FGF13: variants seen among roughly 807,000 people sequenced by gnomAD.
FGF13 encodes fibroblast growth factor 13, also known as fibroblast growth factor homologous factor 2.
FGF13 carries 2 observed loss-of-function variants against 19.5 expected under a neutral mutation model. The ratio of observed to expected loss-of-function variants is 0.10; its 90% CI spans 0.04 to 0.32. FGF13 has a LOEUF of 0.32. FGF13 is among the 10% of genes least tolerant of loss of function. FGF13 has a pLI of 1.00. For synonymous variants in FGF13, 72 were observed against 76.9 expected (o/e 0.94, Z 0.33); for missense variants, 113 against 192.7 (o/e 0.59, Z 2.45).
intron 1 of FGF13, among the ~76,000 whole-genome samples, chrX:139,027,004 A>G (rs1039622056): frequency 1.8e-5 from 2 of 112,097 alleles, no homozygotes; most frequent in Non-Finnish European, 3.8e-5. Context: ...GTGAATAGAC[A>G]TAGGAGGTGA....
At chrX:138,874,016 A>AG (rs1569415699) in intron 1 of FGF13, among the ~76,000 whole-genome samples, 1 of 1,434 alleles carries the variant, frequency 7.0e-4, no homozygotes, top group Non-Finnish European at 1.4e-3. Flanking sequence ...GGTGGGGGGG[A>AG]GGGGGGAGGG....
chrX:138,836,115 A>T (rs773030273), intron 3 of FGF13, among the ~76,000 whole-genome samples: 1 of 110,603 alleles, frequency 9.0e-6, no homozygotes. Context: ...TGCCTGTAAC[A>T]TTTTTTCTTT....
At position 138,615,717 on chromosome X, in the gene FGF13, T is replaced by G. The variant is rs2088962172; in HGVS notation, c.*17133A>C. Reference sequence around the variant, plus strand: ...TTTTACCCTGTGCATTAGTTCATTCTCATGCTTCCATAAAGAAATACCCAA... The same window carrying G: ...TTTTACCCTGTGCATTAGTTCATTCGCATGCTTCCATAAAGAAATACCCAA... On this transcript the variant is annotated 3_prime_UTR_variant, in exon 5 of 5. Coordinates refer to ENST00000315930, the MANE Select transcript of FGF13 (RefSeq NM_004114.5). 8.9e-6 allele frequency: 1 copy of G among 112,009 alleles called. No individual in the cohort carries two copies. Among genetic ancestry groups the G allele is most frequent in the African/African-American group, 3.2e-5 (1 of 30,780 alleles). 9.2% of individuals were successfully genotyped at this position (112,009 alleles called of 1,213,427 possible). A position where few individuals can be genotyped will look rare whatever the true frequency, so the allele number is the denominator to read the frequency against.
At chrX:139,048,319 G>A (rs1183408868) in intron 1 of FGF13, among the ~76,000 whole-genome samples, 3 of 111,051 alleles carry the variant, frequency 2.7e-5, no homozygotes, top group African/African-American at 6.6e-5. Flanking sequence ...CTGTTCCACT[G>A]ATTTGCTTGT....
intron 3 of FGF13, among the ~76,000 whole-genome samples, chrX:138,838,010 C>T (rs763538603): frequency 6.2e-5 from 7 of 112,379 alleles, no homozygotes; most frequent in African/African-American, 1.9e-4. Flanking sequence ...CTGTGCTGTG[C>T]TGGGGGATCC....
At chrX:138,906,607 G>T (rs2091559761) in intron 1 of FGF13, among the ~76,000 whole-genome samples, 1 of 112,054 alleles carries the variant, frequency 8.9e-6, no homozygotes. Flanking sequence ...GCTAAAAGAA[G>T]CGTCATCGGC....
At chrX:138,875,338 C>T (rs2091382482) in intron 1 of FGF13, among the ~76,000 whole-genome samples, 1 of 111,496 alleles carries the variant, frequency 9.0e-6, no homozygotes, top group African/African-American at 3.3e-5. Flanking sequence ...AACCTTGTAA[C>T]CACACCTGTA....
chrX:138,778,011 T>G (rs1339777655), intron 3 of FGF13, among the ~76,000 whole-genome samples: 2 of 111,891 alleles, frequency 1.8e-5, no homozygotes, highest in Non-Finnish European at 3.8e-5. Context: ...ATAAAAATGT[T>G]TAAACAGCAA....
intron 1 of FGF13, among the ~76,000 whole-genome samples, chrX:139,187,873 G>A (rs961164021): frequency 1.6e-4 from 18 of 112,058 alleles, no homozygotes; most frequent in African/African-American, 5.8e-4. Flanking sequence ...ACGTAACTAA[G>A]GTGACTCACT....
In FGF13 at chrX:138,711,057, T is replaced by G. The variant is rs765175357; in HGVS notation, c.-54A>C. The G allele has an allele frequency of 5.0e-6, 6 of 1,190,852 alleles. No individual in the cohort carries two copies. Among genetic ancestry groups the G allele is most frequent in the African/African-American group, 1.7e-5 (1 of 57,168 alleles). ...TTTGCTGCCCCTCTCTGGGTTCGCC[T>G]CCTCCTCCTTCTCCTCCGCTGCTTG... On this transcript the variant is annotated 5_prime_UTR_variant, in exon 1 of 5. Coordinates refer to ENST00000315930, the MANE Select transcript of FGF13 (RefSeq NM_004114.5).
intron 1 of FGF13, among the ~76,000 whole-genome samples, chrX:139,059,436 G>A (rs1416189861): frequency 9.1e-6 from 1 of 109,920 alleles, no homozygotes; most frequent in Non-Finnish European, 1.9e-5. Context: ...AAAAAAGAGA[G>A]AGAGAGAGAG....
intron 1 of FGF13, among the ~76,000 whole-genome samples, chrX:138,727,382 AT>A (rs2090193794): frequency 9.1e-6 from 1 of 110,392 alleles, no homozygotes; most frequent in Non-Finnish European, 1.9e-5. Context: ...CAACAAGAAG[AT>A]TTTCTCTTAT....
intron 3 of FGF13, among the ~76,000 whole-genome samples, chrX:138,839,909 G>A (rs1602941725): frequency 9.0e-6 from 1 of 111,392 alleles, no homozygotes; most frequent in Non-Finnish European, 1.9e-5. Flanking sequence ...AAGTCTTTGA[G>A]GCTCAATTTC....
intron 3 of FGF13, among the ~76,000 whole-genome samples, chrX:138,747,456 G>A (rs1449203425): frequency 8.9e-6 from 1 of 112,065 alleles, no homozygotes; most frequent in Admixed American, 9.4e-5. Context: ...TTGGTAATTA[G>A]TATTATGTAT....
chrX:138,779,938 G>A (rs1161723020), intron 3 of FGF13, among the ~76,000 whole-genome samples: 1 of 104,566 alleles, frequency 9.6e-6, no homozygotes, highest in African/African-American at 3.5e-5. Flanking sequence ...CCCTCAAAGG[G>A]AAGCCCATCA....
chrX:138,780,233 A>G (rs1410210544), intron 3 of FGF13, among the ~76,000 whole-genome samples: 1 of 109,794 alleles, frequency 9.1e-6, no homozygotes, highest in Non-Finnish European at 1.9e-5. Flanking sequence ...ACGACCATCG[A>G]GACTAGGAAG....
At chrX:138,808,696 A>G (rs936439021) in intron 3 of FGF13, among the ~76,000 whole-genome samples, 1 of 111,681 alleles carries the variant, frequency 9.0e-6, no homozygotes, top group Non-Finnish European at 1.9e-5. Flanking sequence ...CAAGATCACT[A>G]GCAAGACTAA....
intron 1 of FGF13, among the ~76,000 whole-genome samples, chrX:138,935,063 C>T (rs2091724625): frequency 9.0e-6 from 1 of 111,418 alleles, no homozygotes; most frequent in South Asian, 3.8e-4. Flanking sequence ...ATGGACACCT[C>T]CCTGATTTGG....
intron 1 of FGF13, among the ~76,000 whole-genome samples, chrX:139,078,066 T>C (rs914498932): frequency 1.4e-4 from 16 of 110,905 alleles, no homozygotes. Flanking sequence ...GTTTGTTTGT[T>C]TGTTTAGTTT....
Sources: allele counts gnomAD v4.1 joint callset (sites outside exome capture counted in the v4.1 genomes callset), GRCh38; gene constraint gnomAD v4.1.1; transcripts MANE v1.5; gene names NCBI Gene and HGNC (gene_info 2026-07-23, HGNC 2026-07-21).